The following PRKN variants were observed in gnomAD, a reference collection of about 807,000 sequenced individuals.
The protein encoded by PRKN is parkin RBR E3 ubiquitin protein ligase.
Under a neutral mutation model 59.5 loss-of-function variants are expected in PRKN, and 56 were observed. That is an observed-to-expected ratio of 0.94 (90% CI 0.76 to 1.18). The LOEUF (loss-of-function observed/expected upper bound fraction) is 1.18. Among genes scored for constraint, PRKN ranks in the 50% most tolerant of loss-of-function variants. The pLI, the probability that PRKN is intolerant of heterozygous loss-of-function variation, is 0.00. For synonymous variants in PRKN, 250 were observed against 222.1 expected, an observed-to-expected ratio of 1.13 and a Z score of -1.12; for missense variants, 657 against 596.4, an observed-to-expected ratio of 1.10 and a Z score of -1.06.
Position 162,153,173 on chromosome 6 carries a change from A to G in PRKN, c.534+47958T>C, listed in dbSNP as rs140563407. 4.5e-3 allele frequency among the ~76,000 whole-genome samples: 684 copies of G among 152,338 alleles called. 6 individuals are homozygous for G. The highest frequency in any genetic ancestry group is 0.016 in the African/African-American group (656 of 41,586). On this transcript the variant is annotated intron_variant, in intron 4 of 11. Transcript: ENST00000366898. ...AGCTGTCCCGTTTACTCAGCCCACC[A>G]TGCTAAACCCCTCACAGGAGGGAGC...
chr6:162,344,274 G>A (rs185721109), intron 2 of PRKN, among the ~76,000 whole-genome samples: 1 of 152,212 alleles, frequency 6.6e-6, no homozygotes, highest in Non-Finnish European at 1.5e-5. Flanking sequence ...GGTCTTCAAT[G>A]TGCAATCTCA....
intron 4 of PRKN, among the ~76,000 whole-genome samples, chr6:162,128,399 C>A (rs931014428): frequency 6.6e-6 from 1 of 152,052 alleles, no homozygotes; most frequent in African/African-American, 2.4e-5. Context: ...ACAGATAATG[C>A]ATCAAAGCAT....
At chr6:162,436,686 A>C (rs550378773) in intron 2 of PRKN, among the ~76,000 whole-genome samples, 2 of 120,058 alleles carry the variant, frequency 1.7e-5, no homozygotes, top group African/African-American at 8.0e-5. Context: ...GGAGTACACA[A>C]TTGTCAAGAA....
intron 9 of PRKN, among the ~76,000 whole-genome samples, chr6:161,427,530 C>T (rs776772422): frequency 3.3e-5 from 5 of 152,112 alleles, no homozygotes; most frequent in Admixed American, 1.3e-4. Context: ...TCACTAAACT[C>T]ATGAGGCAAT....
At chr6:162,057,893 A>G (rs1475357489) in intron 4 of PRKN, among the ~76,000 whole-genome samples, 1 of 152,198 alleles carries the variant, frequency 6.6e-6, no homozygotes, top group Non-Finnish European at 1.5e-5. Flanking sequence ...TAGCATGTCT[A>G]TTTTATTATA....
intron 1 of PRKN, among the ~76,000 whole-genome samples, chr6:162,611,992 T>C (rs558759776): frequency 2.1e-4 from 31 of 151,014 alleles, no homozygotes; most frequent in Non-Finnish European, 3.4e-4. Context: ...GAGACCATCC[T>C]GGCTAACACG....
At chr6:162,113,836 T>C (rs1780547990) in intron 4 of PRKN, among the ~76,000 whole-genome samples, 1 of 152,190 alleles carries the variant, frequency 6.6e-6, no homozygotes, top group Admixed American at 6.6e-5. Flanking sequence ...TCTAGGGTTT[T>C]TATGGTTTTA....
intron 7 of PRKN, among the ~76,000 whole-genome samples, chr6:161,649,646 T>G (rs373946014): frequency 1.3e-5 from 2 of 152,188 alleles, no homozygotes; most frequent in East Asian, 1.9e-4. Context: ...GTAATATATT[T>G]CAAGGCTTTT....
chr6:162,692,469 C>T (rs912342242), intron 1 of PRKN, among the ~76,000 whole-genome samples: 13 of 152,210 alleles, frequency 8.5e-5, no homozygotes, highest in Middle Eastern at 3.4e-3. Context: ...CTAGTTCACC[C>T]AGGGCCCTAG....
intron 4 of PRKN, among the ~76,000 whole-genome samples, chr6:162,075,992 A>G (rs112681779): frequency 2.2e-5 from 3 of 138,644 alleles, no homozygotes; most frequent in African/African-American, 8.5e-5. Context: ...TTTTTAAGAC[A>G]GAGTCTCACT....
chr6:162,418,033 G>A (rs1169361762), intron 2 of PRKN, among the ~76,000 whole-genome samples: 1 of 152,098 alleles, frequency 6.6e-6, no homozygotes, highest in Non-Finnish European at 1.5e-5. Flanking sequence ...TAAAAACATA[G>A]GCCTATACAA....
intron 3 of PRKN, among the ~76,000 whole-genome samples, chr6:162,233,465 TA>T (rs1422164645): frequency 5.3e-5 from 8 of 152,274 alleles, no homozygotes; most frequent in South Asian, 2.1e-4. Context: ...AAACCTGGAT[TA>T]AAAACTAATA....
At chr6:161,743,512 G>A (rs553661675) in intron 7 of PRKN, among the ~76,000 whole-genome samples, 46 of 151,972 alleles carry the variant, frequency 3.0e-4, no homozygotes, top group African/African-American at 1.1e-3. Context: ...GCCTCCCAAA[G>A]TGCTGGGATT....
rs79958553 is a variant in PRKN at position 161,719,681 on chromosome 6, A to G, written c.871+66091T>C. Among the ~76,000 whole-genome samples the G allele has an allele frequency of 5.1e-3, 784 of 152,376 alleles. 7 individuals are homozygous for G. Among genetic ancestry groups the G allele is most frequent in the African/African-American group, 0.018 (738 of 41,600 alleles). On this transcript the variant is annotated intron_variant, in intron 7 of 11. Transcript: ENST00000366898. ...TCTCCTATCATGATAAGAGAAGCTC[A>G]TGTAATACTGCCTGATGACCCTTGC...
chr6:162,212,457 C>T (rs924456945), intron 3 of PRKN, among the ~76,000 whole-genome samples: 1 of 151,012 alleles, frequency 6.6e-6, no homozygotes, highest in Non-Finnish European at 1.5e-5. Flanking sequence ...TTTAAAAACA[C>T]AGGAAAGTTG....
chr6:162,094,682 T>C (rs1779656582), intron 4 of PRKN, among the ~76,000 whole-genome samples: 1 of 152,142 alleles, frequency 6.6e-6, no homozygotes, highest in African/African-American at 2.4e-5. Context: ...TCAAGCTCTC[T>C]CGGTAACATT....
At chr6:162,174,423 G>C (rs1240387396) in intron 4 of PRKN, among the ~76,000 whole-genome samples, 3 of 151,954 alleles carry the variant, frequency 2.0e-5, no homozygotes, top group Non-Finnish European at 2.9e-5. Context: ...CTTCTTTTTG[G>C]TTCTGAGTGC....
chr6:162,063,441 C>T (rs1402349507), intron 4 of PRKN, among the ~76,000 whole-genome samples: 1 of 152,172 alleles, frequency 6.6e-6, no homozygotes, highest in African/African-American at 2.4e-5. Flanking sequence ...CACATTTTAG[C>T]CACTATGATA....
At chr6:161,603,100 G>C (rs938323766) in intron 7 of PRKN, among the ~76,000 whole-genome samples, 1 of 152,132 alleles carries the variant, frequency 6.6e-6, no homozygotes, top group Non-Finnish European at 1.5e-5. Flanking sequence ...AACATTAAGG[G>C]TTGGATCCAC....
Sources: gnomAD v4.1 joint callset for allele counts (sites outside exome capture counted in the v4.1 genomes callset) on GRCh38, gnomAD v4.1.1 for gene constraint, MANE v1.5 for transcripts, NCBI Gene and HGNC (gene_info 2026-07-23, HGNC 2026-07-21) for gene names.